PHACTR1: variants seen among roughly 807,000 people sequenced by gnomAD.
The protein encoded by PHACTR1 is RPEL repeat containing 1.
In PHACTR1, 16 loss-of-function variants were observed where a neutral mutation model predicts 69.2. That is an observed-to-expected ratio of 0.23 (90% confidence interval 0.16 to 0.35). The LOEUF is 0.35. Ranked by LOEUF, PHACTR1 falls within the 10% of genes least tolerant of loss-of-function variation. PHACTR1 has a pLI of 1.00. For synonymous variants in PHACTR1, 312 were observed against 284.5 expected (o/e 1.10, Z -0.97); for missense variants, 510 against 734.7 (o/e 0.69, Z 3.54).
intron 4 of PHACTR1, among the ~76,000 whole-genome samples, chr6:12,999,702 T>C (rs1236956484): frequency 6.6e-6 from 1 of 152,178 alleles, no homozygotes; most frequent in Non-Finnish European, 1.5e-5. Flanking sequence ...TATAAAGCAA[T>C]ATTTTATATT....
At chr6:13,110,985 G>A (rs1381735631) in intron 5 of PHACTR1, among the ~76,000 whole-genome samples, 1 of 151,628 alleles carries the variant, frequency 6.6e-6, no homozygotes, top group Non-Finnish European at 1.5e-5. Flanking sequence ...ATAATATTCA[G>A]GAATTCTCAT....
intron 4 of PHACTR1, among the ~76,000 whole-genome samples, chr6:13,041,333 A>AATACATACATAC (rs199629142): frequency 1.5e-5 from 1 of 68,958 alleles, no homozygotes; most frequent in African/African-American, 4.2e-5. Context: ...TGGTAATTAA[A>AATACATACATAC]ATACATACAC....
chr6:13,149,792 C>G (rs9381764), intron 5 of PHACTR1, among the ~76,000 whole-genome samples: 27 of 151,608 alleles, frequency 1.8e-4, no homozygotes, highest in African/African-American at 5.8e-4. Flanking sequence ...AACACAAATT[C>G]GTAAACTTTC....
At chr6:13,284,543 AATATATAT>A (rs3037749) in intron 13 of PHACTR1, among the ~76,000 whole-genome samples, 7,685 of 60,654 alleles carry the variant, frequency 0.13, 670 homozygotes, top group Non-Finnish European at 0.15. Context: ...AAAAAAAAAA[AATATATAT>A]ATATATATAT....
chr6:13,049,251 T>A, intron 4 of PHACTR1, among the ~76,000 whole-genome samples: 1 of 119,794 alleles, frequency 8.3e-6, no homozygotes, highest in East Asian at 2.3e-4. Flanking sequence ...TCATGGCACT[T>A]TTTTTTTTAA....
chr6:13,278,415 C>T (rs1779405678), intron 12 of PHACTR1, 86 bp downstream of exon 12: 13 of 1,272,210 alleles, frequency 1.0e-5, no homozygotes, highest in African/African-American at 7.5e-5. Flanking sequence ...TCAGTGGCCT[C>T]ACCGCTGCCT....
chr6:13,017,661 TATTTA>T (rs1800385712), intron 4 of PHACTR1, among the ~76,000 whole-genome samples: 1 of 152,228 alleles, frequency 6.6e-6, no homozygotes, highest in Admixed American at 6.5e-5. Flanking sequence ...GTATTTTCTG[TATTTA>T]ATTTCATACA....
chr6:13,098,589 C>T (rs1376552221), intron 5 of PHACTR1, among the ~76,000 whole-genome samples: 2 of 152,168 alleles, frequency 1.3e-5, no homozygotes, highest in Non-Finnish European at 2.9e-5. Context: ...TTCAAGATGG[C>T]CAAAACTAAA....
intron 10 of PHACTR1, among the ~76,000 whole-genome samples, chr6:13,243,991 GTCTGCCAT>G (rs1773221938): frequency 6.6e-6 from 1 of 152,158 alleles, no homozygotes; most frequent in Non-Finnish European, 1.5e-5. Context: ...TCTTTATCCA[GTCTGCCAT>G]TGATGGGTAT....
In PHACTR1 at chr6:13,184,696, C is replaced by T. The variant is rs1025728334; in HGVS notation, c.664+2010C>T. The T allele has an allele frequency of 1.5e-5, 14 of 912,702 alleles. No individual in the cohort carries two copies. The African/African-American group carries it at 2.2e-4, about 14-fold the overall frequency. 56.5% of individuals were successfully genotyped at this position (912,702 alleles called of 1,614,324 possible). A position where few individuals can be genotyped will look rare whatever the true frequency, so the allele number is the denominator to read the frequency against. On this transcript the variant is annotated intron_variant, in intron 7 of 14. Transcript: ENST00000332995. Reference sequence around the variant, plus strand: ...CGTGGCGGCCTGAAGCATCGGTGCTCCGCTGTGTTGCCAGCCCGAGTCCCT... The same window carrying T: ...CGTGGCGGCCTGAAGCATCGGTGCTTCGCTGTGTTGCCAGCCCGAGTCCCT...
rs973162285 is a variant in PHACTR1, at chr6:13,026,909, A to AAAAAATAAAAAT, written c.251-26444_251-26433dup. 2.0e-5 allele frequency among the ~76,000 whole-genome samples: 3 copies of AAAAAATAAAAAT among 152,116 alleles called. No individual in the cohort carries two copies. The South Asian group carries it at 6.2e-4, about 32-fold the overall frequency. On this transcript the variant is annotated intron_variant, in intron 4 of 14. Coordinates refer to ENST00000332995, the MANE Select transcript of PHACTR1 (RefSeq NM_030948.6). ...CTTGCTGATGGCCAGTCCCCTGTCA[A>AAAAAATAAAAAT]AAAAATAAAAATAAAAATAAAAAAT...
intron 4 of PHACTR1, among the ~76,000 whole-genome samples, chr6:12,974,464 G>A (rs1039526687): frequency 6.6e-6 from 1 of 152,096 alleles, no homozygotes; most frequent in Non-Finnish European, 1.5e-5. Context: ...GTCCCGGCCC[G>A]TTAACCAGAT....
At chr6:13,226,700 A>G (rs564955827) in intron 8 of PHACTR1, among the ~76,000 whole-genome samples, 5 of 152,028 alleles carry the variant, frequency 3.3e-5, no homozygotes, top group African/African-American at 1.2e-4. Flanking sequence ...ATTTTTGATG[A>G]CACGCATGTA....
chr6:13,103,889 G>A (rs1815605580), intron 5 of PHACTR1, among the ~76,000 whole-genome samples: 1 of 152,190 alleles, frequency 6.6e-6, no homozygotes, highest in Non-Finnish European at 1.5e-5. Context: ...GCTGAAACCA[G>A]CCTGGCCAAC....
intron 8 of PHACTR1, among the ~76,000 whole-genome samples, chr6:13,212,434 T>C (rs955950583): frequency 6.6e-5 from 10 of 152,186 alleles, no homozygotes; most frequent in Non-Finnish European, 1.0e-4. Context: ...AGGTCCTCTG[T>C]GACCCCTTCT....
intron 4 of PHACTR1, among the ~76,000 whole-genome samples, chr6:12,994,518 G>A (rs1797195898): frequency 6.6e-6 from 1 of 152,042 alleles, no homozygotes; most frequent in African/African-American, 2.4e-5. Context: ...CTAACTCCAG[G>A]AAAAATGAAA....
intron 5 of PHACTR1, among the ~76,000 whole-genome samples, chr6:13,117,858 G>A (rs1818041824): frequency 1.3e-5 from 2 of 152,046 alleles, no homozygotes; most frequent in Non-Finnish European, 2.9e-5. Context: ...CCCACCTAAC[G>A]CAGAGCTCTG....
chr6:12,838,031 A>G (rs756572439), intron 4 of PHACTR1, among the ~76,000 whole-genome samples: 1 of 152,240 alleles, frequency 6.6e-6, no homozygotes, highest in African/African-American at 2.4e-5. Flanking sequence ...TTGCAGTTGT[A>G]GGACTGAGGG....
chr6:13,227,882 C>T lies in PHACTR1; in HGVS notation c.1053C>T (p.Val351=), dbSNP rs766323628. 2 of 1,613,918 alleles carry T rather than the reference C, an allele frequency of 1.2e-6. No homozygotes were observed. Among genetic ancestry groups the T allele is most frequent in the Non-Finnish European group, 1.7e-6 (2 of 1,179,906 alleles). ...HSSGLHSGDG[V]TKAGPMGLPE... ...CTGGGTTGCACTCGGGTGATGGGGT[C>T]ACCAAAGCAGGACCTATGGGCCTTC... The change falls in exon 9 of 15, where the codon GTC becomes GTT. Residue 351 remains valine, a synonymous_variant. Coordinates refer to ENST00000332995, the MANE Select transcript of PHACTR1 (RefSeq NM_030948.6).
Sources: allele counts gnomAD v4.1 joint callset (sites outside exome capture counted in the v4.1 genomes callset), GRCh38; gene constraint gnomAD v4.1.1; transcripts MANE v1.5; gene names NCBI Gene and HGNC (gene_info 2026-07-23, HGNC 2026-07-21).